Variants in PSD3 observed in about 807,000 individuals in gnomAD.
PSD3 encodes the protein PH and SEC7 domain-containing protein 3.
Under a neutral mutation model 105.5 loss-of-function variants are expected in PSD3, and 49 were observed. The observed-to-expected ratio is 0.46, with a 90% CI of 0.37 to 0.59. The LOEUF (loss-of-function observed/expected upper bound fraction) is 0.59. Ranked by LOEUF, PSD3 falls within the 20% of genes least tolerant of loss-of-function variation. The probability of loss-of-function intolerance (pLI) is 0.00; values close to 1 mark genes in which losing one functional copy is unlikely to be tolerated. For missense variants in PSD3, 1,561 were observed against 1,263.8 expected, an observed-to-expected ratio of 1.24 and a Z score of -3.57; for synonymous variants, 557 against 457.8, an observed-to-expected ratio of 1.22 and a Z score of -2.77.
At chr8:18,686,972 G>C (rs1210527469) in intron 9 of PSD3, among the ~76,000 whole-genome samples, 1 of 152,066 alleles carries the variant, frequency 6.6e-6, no homozygotes, top group Admixed American at 6.6e-5. Context: ...CTCCACCCTA[G>C]TCATTCATTT....
intron 11 of PSD3, among the ~76,000 whole-genome samples, chr8:18,607,432 C>T (rs1804923094): frequency 1.3e-5 from 2 of 152,126 alleles, no homozygotes; most frequent in South Asian, 4.1e-4. Flanking sequence ...GTTATAACCT[C>T]CATCTCACAG....
At chr8:18,825,391 T>C (rs1813092035) in intron 4 of PSD3, among the ~76,000 whole-genome samples, 1 of 152,180 alleles carries the variant, frequency 6.6e-6, no homozygotes, top group African/African-American at 2.4e-5. Flanking sequence ...AAGAGTCAGA[T>C]TCACAGGTTC....
chr8:18,995,791 G>A (rs564977141), intron 1 of PSD3, among the ~76,000 whole-genome samples: 49 of 152,008 alleles, frequency 3.2e-4, no homozygotes, highest in African/African-American at 1.1e-3. Context: ...ATCAGATCTC[G>A]TGAGACTTAT....
At chr8:18,937,941 G>A (rs1467567638) in intron 1 of PSD3, among the ~76,000 whole-genome samples, 1 of 152,108 alleles carries the variant, frequency 6.6e-6, no homozygotes, top group African/African-American at 2.4e-5. Flanking sequence ...AGGAATGGAA[G>A]GATGGATGAG....
At chr8:18,616,601 A>C (rs1269380654) in intron 11 of PSD3, among the ~76,000 whole-genome samples, 5 of 149,676 alleles carry the variant, frequency 3.3e-5, no homozygotes, top group Non-Finnish European at 7.4e-5. Flanking sequence ...TTTGCTAGCC[A>C]GGCCTCATCT....
Position 18,786,546 on chromosome 8 carries a change from G to C in PSD3, c.2082+12749C>G, listed in dbSNP as rs143459083. Among the ~76,000 whole-genome samples, 1,443 of 152,268 alleles carry C rather than the reference G, an allele frequency of 9.5e-3. 40 individuals are homozygous for C. Among genetic ancestry groups the C allele is most frequent in the Admixed American group, 0.046 (705 of 15,294 alleles). ...TATGTCAGCACAAAGATACCAATTT[G>C]ACTCACGTGGACTTTGAAACAGCCA... On this transcript the variant is annotated intron_variant, in intron 8 of 15. Coordinates refer to ENST00000327040, the MANE Select transcript of PSD3 (RefSeq NM_015310.4).
At chr8:19,019,995 C>A (rs79708709) in intron 1 of PSD3, among the ~76,000 whole-genome samples, 1 of 152,046 alleles carries the variant, frequency 6.6e-6, no homozygotes, top group Non-Finnish European at 1.5e-5. Flanking sequence ...CACCTTTCCC[C>A]CAAGACCCGA....
At chr8:18,777,746 G>C (rs7836892) in intron 8 of PSD3, among the ~76,000 whole-genome samples, 15,749 of 152,082 alleles carry the variant, frequency 0.1, 1,642 homozygotes, top group East Asian at 0.47. Context: ...TGCTATGAAA[G>C]AATAGGACTT....
At chr8:18,696,631 A>G (rs1275709890) in intron 9 of PSD3, among the ~76,000 whole-genome samples, 2 of 152,240 alleles carry the variant, frequency 1.3e-5, no homozygotes, top group Non-Finnish European at 2.9e-5. Context: ...TTAGTACATT[A>G]TAATAAGTAT....
chr8:18,963,906 ACTGTCTCT>A (rs1216424273), intron 1 of PSD3, among the ~76,000 whole-genome samples: 2 of 152,166 alleles, frequency 1.3e-5, no homozygotes, highest in Non-Finnish European at 2.9e-5. Context: ...TTGCTTACTT[ACTGTCTCT>A]CTGTGAATGA....
intron 14 of PSD3, among the ~76,000 whole-genome samples, chr8:18,561,157 T>A (rs1801375151): frequency 6.6e-6 from 1 of 152,218 alleles, no homozygotes; most frequent in African/African-American, 2.4e-5. Flanking sequence ...CCATGCCGTA[T>A]CTTCTTCAAG....
intron 8 of PSD3, among the ~76,000 whole-genome samples, chr8:18,782,320 G>T (rs116456440): frequency 1.3e-5 from 2 of 151,948 alleles, no homozygotes; most frequent in South Asian, 4.2e-4. Flanking sequence ...ATTGGGTTTC[G>T]AAGGGAAAGA....
intron 8 of PSD3, among the ~76,000 whole-genome samples, chr8:18,771,199 G>C (rs187249067): frequency 1.1e-4 from 17 of 152,234 alleles, no homozygotes; most frequent in African/African-American, 4.1e-4. Context: ...TTTTGGAAAA[G>C]GCAACATTTG....
At chr8:18,757,885 T>C (rs955496609) in intron 9 of PSD3, among the ~76,000 whole-genome samples, 9 of 152,262 alleles carry the variant, frequency 5.9e-5, no homozygotes, top group African/African-American at 1.9e-4. Context: ...TACACTGTAC[T>C]CAGTACTTTA....
chr8:19,065,857 G>T (rs1273450498), intron 1 of PSD3, among the ~76,000 whole-genome samples: 1 of 152,128 alleles, frequency 6.6e-6, no homozygotes. Context: ...GAGGCTAGGG[G>T]GTGGGGCTGA....
At chr8:18,903,194 C>G (rs901667913) in intron 2 of PSD3, among the ~76,000 whole-genome samples, 1 of 152,122 alleles carries the variant, frequency 6.6e-6, no homozygotes, top group African/African-American at 2.4e-5. Context: ...AGCACTCACC[C>G]AACTCCAGGA....
chr8:18,850,654 T>C (rs1399900187), intron 4 of PSD3, among the ~76,000 whole-genome samples: 2 of 151,962 alleles, frequency 1.3e-5, no homozygotes, highest in Non-Finnish European at 2.9e-5. Context: ...TACAGCAAGG[T>C]AAAGGAGAAG....
chr8:18,867,011 G>A (rs140066047), intron 4 of PSD3, among the ~76,000 whole-genome samples: 3 of 152,062 alleles, frequency 2.0e-5, no homozygotes, highest in South Asian at 2.1e-4. Context: ...ATAAATAGTC[G>A]CGGAATCCCC....
At position 18,920,177 on chromosome 8, in the gene PSD3, C is replaced by T. The variant is rs115197777; in HGVS notation, c.130+15857G>A. Among the ~76,000 whole-genome samples, 662 of 152,186 alleles carry T rather than the reference C, an allele frequency of 4.3e-3. 5 individuals carry two copies. The highest frequency in any genetic ancestry group is 0.015 in the African/African-American group (629 of 41,512). Reference sequence around the variant, plus strand: ...GTGCCCTGATGCTTAGGAACCATCGCTTTAAAACAGCAATTCTCAACTCTT... The same window carrying T: ...GTGCCCTGATGCTTAGGAACCATCGTTTTAAAACAGCAATTCTCAACTCTT... On this transcript the variant is annotated intron_variant, in intron 2 of 15. Coordinates refer to ENST00000327040, the MANE Select transcript of PSD3 (RefSeq NM_015310.4).
Sources: allele counts gnomAD v4.1 joint callset (sites outside exome capture counted in the v4.1 genomes callset), GRCh38; gene constraint gnomAD v4.1.1; transcripts MANE v1.5; gene names NCBI Gene and HGNC (gene_info 2026-07-23, HGNC 2026-07-21).